PTPN14: variants seen among roughly 807,000 people sequenced by gnomAD.
PTPN14 encodes tyrosine-protein phosphatase non-receptor type 14.
In PTPN14, 53 loss-of-function variants were observed where a neutral mutation model predicts 126.8. That is an observed-to-expected ratio of 0.42 (90% CI 0.34 to 0.53). The LOEUF is 0.53. PTPN14 is among the 20% of genes least tolerant of loss of function. PTPN14 has a pLI of 0.08. For synonymous variants in PTPN14, 630 were observed against 599.3 expected (o/e 1.05, Z -0.75); for missense variants, 1,257 against 1,552.9 (o/e 0.81, Z 3.20).
At chr1:214,460,107 C>T (rs1660476214) in intron 2 of PTPN14, among the ~76,000 whole-genome samples, 1 of 152,168 alleles carries the variant, frequency 6.6e-6, no homozygotes, top group Non-Finnish European at 1.5e-5. Flanking sequence ...AGCCCAGTGA[C>T]TGTGGGCAGG....
intron 2 of PTPN14, among the ~76,000 whole-genome samples, chr1:214,452,493 C>T (rs566887757): frequency 6.6e-6 from 1 of 152,298 alleles, no homozygotes; most frequent in Admixed American, 6.5e-5. Flanking sequence ...TCACTCTTTT[C>T]GTGTGCTTTA....
At chr1:214,466,262 A>G (rs1284574474) in intron 1 of PTPN14, among the ~76,000 whole-genome samples, 2 of 147,140 alleles carry the variant, frequency 1.4e-5, no homozygotes, top group Non-Finnish European at 3.0e-5. Context: ...GCACCCGGCC[A>G]GTTACTTCCT....
chr1:214,539,149 T>C (rs545251363), intron 1 of PTPN14, among the ~76,000 whole-genome samples: 1 of 152,320 alleles, frequency 6.6e-6, no homozygotes, highest in East Asian at 1.9e-4. Context: ...AAATTAGATG[T>C]TGAGTTTCTT....
rs1441149728 is a variant in PTPN14 at position 214,355,437 on chromosome 1, A to G, written c.*2485T>C. The G allele has an allele frequency of 1.3e-5, 2 of 152,270 alleles. No homozygotes were observed. Among genetic ancestry groups the G allele is most frequent in the African/African-American group, 4.8e-5 (2 of 41,476 alleles). The allele number at this position is 152,270 out of a possible 1,614,324, so 9.4% of individuals were successfully genotyped here. A position where few individuals can be genotyped will look rare whatever the true frequency, so the allele number is the denominator to read the frequency against. On this transcript the variant is annotated 3_prime_UTR_variant, in exon 19 of 19. Coordinates refer to ENST00000366956, the MANE Select transcript of PTPN14 (RefSeq NM_005401.5). ...TAACAGCAGAATATCCCAAGGATGG[A>G]AAAACCTCCAAGGAAAGGAAACAAG...
intron 1 of PTPN14, among the ~76,000 whole-genome samples, chr1:214,481,511 C>CAAAAAA (rs371949252): frequency 1.2e-4 from 8 of 67,400 alleles, no homozygotes; most frequent in Non-Finnish European, 1.8e-4. Context: ...AACTCCCGCT[C>CAAAAAA]AAAAAAAAAA....
intron 2 of PTPN14, among the ~76,000 whole-genome samples, chr1:214,457,222 A>G (rs1179824105): frequency 6.6e-6 from 1 of 152,256 alleles, no homozygotes; most frequent in Non-Finnish European, 1.5e-5. Flanking sequence ...TTTGGGTAAA[A>G]CAGCTTTTAG....
chr1:214,397,924 C>T lies in PTPN14; in HGVS notation c.747G>A (p.Ala249=), dbSNP rs201933634. 94 of 1,604,384 alleles carry T rather than the reference C, an allele frequency of 5.9e-5. No individual in the cohort carries two copies. The highest frequency in any genetic ancestry group is 6.6e-5 in the South Asian group (6 of 90,858). Residue 249 remains alanine, a synonymous_variant, in exon 8 of 19, where the codon GCG becomes GCA. Transcript: ENST00000366956. Reference sequence around the variant, plus strand: ...ACAAATAAGACTACCTGTATATTACCGCTTGTCTTCCAATTCTGTTCCTCA... The same window carrying T: ...ACAAATAAGACTACCTGTATATTACTGCTTGTCTTCCAATTCTGTTCCTCA... ...IFVRNRIGRQ[A]VIYRWNDMGN... is the part of the protein sequence containing the mutation.
chr1:214,452,084 A>G, intron 2 of PTPN14, 110 bp from the exon 3 acceptor site: 1 of 1,225,560 alleles, frequency 8.2e-7, no homozygotes, highest in Non-Finnish European at 1.1e-6. Flanking sequence ...TCCCCAGCCC[A>G]TATATAAGAT....
intron 1 of PTPN14, among the ~76,000 whole-genome samples, chr1:214,542,969 T>TGG (rs942569291): frequency 6.6e-6 from 1 of 152,062 alleles, no homozygotes; most frequent in African/African-American, 2.4e-5. Flanking sequence ...GCTTGTGATT[T>TGG]GGGGGGGAAT....
At chr1:214,496,203 T>G (rs2102424410) in intron 1 of PTPN14, among the ~76,000 whole-genome samples, 1 of 152,344 alleles carries the variant, frequency 6.6e-6, no homozygotes, top group East Asian at 1.9e-4. Context: ...TTATTGCTTC[T>G]GCATAACTAG....
At chr1:214,520,073 T>C (rs12755803) in intron 1 of PTPN14, among the ~76,000 whole-genome samples, 5 of 124,508 alleles carry the variant, frequency 4.0e-5, no homozygotes, top group African/African-American at 1.6e-4. Context: ...AAAATATATA[T>C]ATATATATAT....
chr1:214,543,447 T>G (rs1260403301), intron 1 of PTPN14, among the ~76,000 whole-genome samples: 1 of 152,170 alleles, frequency 6.6e-6, no homozygotes, highest in Non-Finnish European at 1.5e-5. Flanking sequence ...ACAAAGATAA[T>G]AAGATATGTA....
At chr1:214,477,230 C>A (rs1299914466) in intron 1 of PTPN14, among the ~76,000 whole-genome samples, 1 of 152,138 alleles carries the variant, frequency 6.6e-6, no homozygotes, top group Non-Finnish European at 1.5e-5. Context: ...CAGGTATGAA[C>A]TAGTATCAGC....
At chr1:214,496,582 A>G (rs1344152080) in intron 1 of PTPN14, among the ~76,000 whole-genome samples, 2 of 152,228 alleles carry the variant, frequency 1.3e-5, no homozygotes, top group Non-Finnish European at 2.9e-5. Context: ...TATTACAGAT[A>G]AAAGCAGAAC....
At chr1:214,499,773 T>C (rs542365299) in intron 1 of PTPN14, among the ~76,000 whole-genome samples, 108 of 151,112 alleles carry the variant, frequency 7.1e-4, no homozygotes, top group Non-Finnish European at 1.3e-3. Context: ...AATTTAAGCA[T>C]TCATTTTTTT....
intron 1 of PTPN14, among the ~76,000 whole-genome samples, chr1:214,491,459 T>C: frequency 6.6e-6 from 1 of 152,132 alleles, no homozygotes; most frequent in African/African-American, 2.4e-5. Flanking sequence ...AGCGATGGTT[T>C]TGGAATAAAA....
chr1:214,550,628 G>A (rs927363163), intron 1 of PTPN14, among the ~76,000 whole-genome samples: 2 of 152,104 alleles, frequency 1.3e-5, no homozygotes, highest in Non-Finnish European at 2.9e-5. Flanking sequence ...TTTTTTCTAC[G>A]AGCCAGCTCG....
chr1:214,485,886 C>G (rs1661100269), intron 1 of PTPN14, among the ~76,000 whole-genome samples: 1 of 152,138 alleles, frequency 6.6e-6, no homozygotes, highest in African/African-American at 2.4e-5. Context: ...CCGCCACACC[C>G]AGCTAATTTT....
chr1:214,479,426 G>A (rs1313226328), intron 1 of PTPN14, among the ~76,000 whole-genome samples: 1 of 148,484 alleles, frequency 6.7e-6, no homozygotes, highest in Non-Finnish European at 1.5e-5. Context: ...TGCAACCTCT[G>A]CCTCCCAGGT....
Sources: gnomAD v4.1 joint callset for allele counts (sites outside exome capture counted in the v4.1 genomes callset) on GRCh38, gnomAD v4.1.1 for gene constraint, MANE v1.5 for transcripts, NCBI Gene and HGNC (gene_info 2026-07-23, HGNC 2026-07-21) for gene names.